Variants in MEIKIN observed in about 807,000 individuals in gnomAD.
The protein encoded by MEIKIN is meiosis-specific kinetochore protein.
At chr5:131,936,383 G>C (rs1305096810) in intron 4 of MEIKIN, among the ~76,000 whole-genome samples, 2 of 152,006 alleles carry the variant, frequency 1.3e-5, no homozygotes, top group African/African-American at 2.4e-5. Context: ...TCTTTTGATA[G>C]GCACCTCCTT....
intron 8 of MEIKIN, among the ~76,000 whole-genome samples, chr5:131,885,344 A>AGAT (rs1750765772): frequency 3.2e-4 from 1 of 3,170 alleles, no homozygotes; most frequent in Non-Finnish European, 1.1e-3. Context: ...GAACTGAAAG[A>AGAT]GAGAGAGAGA....
rs373982460 is a variant in MEIKIN at position 131,840,426 on chromosome 5, G to GT, written c.975+10837dup. 5.3e-3 allele frequency among the ~76,000 whole-genome samples: 803 copies of GT among 152,304 alleles called. 12 individuals are homozygous for GT. Among genetic ancestry groups the GT allele is most frequent in the African/African-American group, 0.019 (782 of 41,554 alleles). On this transcript the variant is annotated intron_variant, in intron 11 of 12. Transcript: ENST00000442687. The stretch of plus-strand genomic sequence containing the variant: ...TGGCCTCTCTAGCTAGGTTGGGGAA[G>GT]TTATCATGAAAGATAAGTTTTCCAA...
intron 11 of MEIKIN, among the ~76,000 whole-genome samples, chr5:131,828,735 T>G (rs1749658173): frequency 6.6e-6 from 1 of 152,200 alleles, no homozygotes; most frequent in Admixed American, 6.5e-5. Flanking sequence ...AAAGCACATT[T>G]CAAAGAATCC....
chr5:131,855,337 T>C (rs891248716), intron 9 of MEIKIN, among the ~76,000 whole-genome samples: 3 of 152,194 alleles, frequency 2.0e-5, no homozygotes, highest in Non-Finnish European at 2.9e-5. Flanking sequence ...CTTTCATTTA[T>C]GGAACATCAA....
intron 8 of MEIKIN, among the ~76,000 whole-genome samples, chr5:131,896,916 C>T (rs1215403536): frequency 6.6e-6 from 1 of 152,154 alleles, no homozygotes; most frequent in South Asian, 2.1e-4. Context: ...TGAATTTGAT[C>T]CTGTCATTAT....
At chr5:131,894,075 A>G (rs1192709942) in intron 8 of MEIKIN, among the ~76,000 whole-genome samples, 4 of 152,194 alleles carry the variant, frequency 2.6e-5, no homozygotes, top group Non-Finnish European at 5.9e-5. Flanking sequence ...TAATTTTTGT[A>G]TAAGGTGTAA....
intron 11 of MEIKIN, among the ~76,000 whole-genome samples, chr5:131,847,041 T>C (rs890802869): frequency 9.2e-5 from 14 of 151,774 alleles, no homozygotes; most frequent in Admixed American, 7.9e-4. Flanking sequence ...ACAAAGAAAA[T>C]AGCTATAGAA....
chr5:131,874,928 C>T (rs1010588522), intron 9 of MEIKIN, among the ~76,000 whole-genome samples: 3 of 152,106 alleles, frequency 2.0e-5, no homozygotes, highest in Admixed American at 6.5e-5. Flanking sequence ...AAAAGGCCTT[C>T]AACAAAATTC....
At chr5:131,834,366 T>C (rs1303434388) in intron 11 of MEIKIN, among the ~76,000 whole-genome samples, 3 of 152,194 alleles carry the variant, frequency 2.0e-5, no homozygotes, top group Non-Finnish European at 4.4e-5. Context: ...ATATGTTCTC[T>C]TATTATATTT....
intron 6 of MEIKIN, among the ~76,000 whole-genome samples, chr5:131,919,143 C>T (rs572743990): frequency 6.6e-6 from 1 of 151,998 alleles, no homozygotes; most frequent in South Asian, 2.1e-4. Context: ...CACATATAAT[C>T]ATGGAAATGC....
At chr5:131,861,997 A>G (rs1031294913) in intron 9 of MEIKIN, among the ~76,000 whole-genome samples, 1 of 152,160 alleles carries the variant, frequency 6.6e-6, no homozygotes, top group Non-Finnish European at 1.5e-5. Flanking sequence ...CTCCTCTTCA[A>G]CTTTTTGAAA....
Position 131,889,754 on chromosome 5 carries a change from T to C in MEIKIN, c.704-10706A>G, listed in dbSNP as rs544567508. ...CCAGAACTTCCAACACTATGTTGAA[T>C]AGGAGTAATGCGAGAGGGCATCTTT... is the stretch of plus-strand genomic sequence containing the variant. On this transcript the variant is annotated intron_variant, in intron 8 of 12. Transcript: ENST00000442687. Among the ~76,000 whole-genome samples the C allele has an allele frequency of 4.6e-5, 7 of 152,340 alleles. 1 individual carries two copies. The highest frequency in any genetic ancestry group is 2.4e-5 in the African/African-American group (1 of 41,570).
intron 8 of MEIKIN, among the ~76,000 whole-genome samples, chr5:131,887,988 C>G (rs956466016): frequency 1.4e-5 from 2 of 138,236 alleles, no homozygotes; most frequent in Non-Finnish European, 3.0e-5. Context: ...TGATAGTTTG[C>G]TGAGAATGAT....
chr5:131,941,156 T>C (rs1751864093), intron 4 of MEIKIN, among the ~76,000 whole-genome samples: 1 of 129,178 alleles, frequency 7.7e-6, no homozygotes, highest in Non-Finnish European at 1.6e-5. Flanking sequence ...TTTTTTTTTT[T>C]TTTTTTTTTT....
intron 9 of MEIKIN, among the ~76,000 whole-genome samples, chr5:131,875,933 G>C (rs1386485259): frequency 1.3e-5 from 2 of 152,160 alleles, no homozygotes; most frequent in African/African-American, 4.8e-5. Context: ...GGGAAAACTG[G>C]CTAGCCATAT....
chr5:131,843,070 A>G (rs1309531255), intron 11 of MEIKIN, among the ~76,000 whole-genome samples: 1 of 152,260 alleles, frequency 6.6e-6, no homozygotes, highest in Admixed American at 6.5e-5. Flanking sequence ...CTCTTAAGCA[A>G]TAACTTGAAC....
chr5:131,884,544 T>C (rs1750745490), intron 8 of MEIKIN, among the ~76,000 whole-genome samples: 2 of 149,484 alleles, frequency 1.3e-5, no homozygotes, highest in African/African-American at 4.9e-5. Flanking sequence ...TACCAGGTAG[T>C]ATACCATGGC....
chr5:131,870,708 A>T (rs1750474621), intron 9 of MEIKIN, among the ~76,000 whole-genome samples: 2 of 152,104 alleles, frequency 1.3e-5, no homozygotes. Context: ...CATCATTTGT[A>T]TCCTATCGAT....
At chr5:131,831,222 TTCATCA>T (rs1749710849) in intron 11 of MEIKIN, among the ~76,000 whole-genome samples, 2 of 152,152 alleles carry the variant, frequency 1.3e-5, no homozygotes, top group Admixed American at 1.3e-4. Flanking sequence ...AAAGTTTGGA[TTCATCA>T]CTCTCCTTCC....
Sources: gnomAD v4.1 joint callset for allele counts (sites outside exome capture counted in the v4.1 genomes callset) on GRCh38, gnomAD v4.1.1 for gene constraint, MANE v1.5 for transcripts, NCBI Gene and HGNC (gene_info 2026-07-23, HGNC 2026-07-21) for gene names.